RIN2: variants seen among roughly 807,000 people sequenced by gnomAD.
RIN2 encodes the protein RAB5 interacting protein 2.
A neutral mutation model predicts 78.0 loss-of-function variants in RIN2; 36 were observed. That is an observed-to-expected ratio of 0.46 (90% CI 0.35 to 0.61). RIN2 has a LOEUF of 0.61. Among genes scored for constraint, RIN2 ranks in the 20% least tolerant of loss-of-function variants. The probability of loss-of-function intolerance (pLI) is 0.00; values close to 1 mark genes in which losing one functional copy is unlikely to be tolerated. For synonymous variants in RIN2, 466 were observed against 466.8 expected (o/e 1.00, Z 0.02); for missense variants, 1,087 against 1,159.7 (o/e 0.94, Z 0.91).
At chr20:19,921,108 C>G (rs1419167400) in intron 3 of RIN2, among the ~76,000 whole-genome samples, 1 of 152,216 alleles carries the variant, frequency 6.6e-6, no homozygotes, top group Non-Finnish European at 1.5e-5. Context: ...TTCACAGCCT[C>G]TCCCATGTGT....
intron 2 of RIN2, among the ~76,000 whole-genome samples, chr20:19,832,311 G>C (rs1191382005): frequency 6.9e-6 from 1 of 144,754 alleles, no homozygotes. Flanking sequence ...CTAGGATGCT[G>C]TCCCCAACCT....
intron 3 of RIN2, among the ~76,000 whole-genome samples, chr20:19,927,161 A>AG: frequency 6.6e-6 from 1 of 152,350 alleles, no homozygotes; most frequent in East Asian, 1.9e-4. Context: ...TCTTTCCAGG[A>AG]GGGGAGGTAC....
At chr20:19,891,754 GGTTGCAGGA>G (rs1393195179) in intron 3 of RIN2, among the ~76,000 whole-genome samples, 330 of 21,932 alleles carry the variant, frequency 0.015, 1 homozygote, top group African/African-American at 0.078. Flanking sequence ...GGGAGGTGGA[GGTTGCAGGA>G]GGTTGCAGTG....
chr20:19,900,898 C>A (rs954095962), intron 3 of RIN2, among the ~76,000 whole-genome samples: 37 of 136,150 alleles, frequency 2.7e-4, no homozygotes, highest in Non-Finnish European at 2.0e-4. Flanking sequence ...TGCAGTGAGC[C>A]GAGATCACAC....
At chr20:19,991,917 A>G (rs982536169) in intron 10 of RIN2, among the ~76,000 whole-genome samples, 4 of 152,220 alleles carry the variant, frequency 2.6e-5, no homozygotes, top group African/African-American at 7.2e-5. Flanking sequence ...AAATTATAAA[A>G]GTAGGGAGAA....
rs201964534 is a variant in RIN2 at position 19,990,209 on chromosome 20, G to A, written c.1966G>A (p.Val656Ile). The part of the protein sequence containing the change: ...PDFVDVEKIK[V>I]KFMTMQKMYS... ...TTTTGTGGATGTGGAGAAAATCAAA[G>A]TCAAGTTCATGACCATGCAGAAGAT... Residue 656 changes from valine to isoleucine, a missense_variant, in exon 10 of 13, where the codon GTC becomes ATC. Physicochemically the swap from Val to Ile is conservative, Grantham distance 29 (BLOSUM62 3). This residue lies in a region of RIN2 where 97 missense variants were observed against 104.8 expected (regional missense o/e 0.93). Transcript: ENST00000255006. The A allele has an allele frequency of 1.5e-3, 2,378 of 1,611,814 alleles. 11 individuals carry two copies. Among genetic ancestry groups the A allele is most frequent in the South Asian group, 5.0e-3 (453 of 90,304 alleles).
At chr20:19,952,710 A>G (rs984181288) in intron 4 of RIN2, among the ~76,000 whole-genome samples, 1 of 152,150 alleles carries the variant, frequency 6.6e-6, no homozygotes, top group African/African-American at 2.4e-5. Flanking sequence ...AGCACACATG[A>G]GCATCACGAT....
chr20:19,869,503 G>T (rs528719301), intron 2 of RIN2, among the ~76,000 whole-genome samples: 3 of 152,240 alleles, frequency 2.0e-5, no homozygotes, highest in Non-Finnish European at 2.9e-5. Flanking sequence ...GGGCCTGGTT[G>T]AATTGTGGAG....
At chr20:19,773,688 G>T (rs2034213890) in intron 1 of RIN2, among the ~76,000 whole-genome samples, 1 of 151,982 alleles carries the variant, frequency 6.6e-6, no homozygotes, top group South Asian at 2.1e-4. Context: ...TGAGTGCCAG[G>T]TACATCTCTT....
intron 4 of RIN2, among the ~76,000 whole-genome samples, chr20:19,950,884 C>CTT (rs775991586): frequency 5.2e-5 from 6 of 116,500 alleles, no homozygotes; most frequent in Non-Finnish European, 1.8e-5. Context: ...CCTGGCTAAC[C>CTT]TTTTTTTTTT....
rs769684469 is a variant in RIN2 at position 20,000,824 on chromosome 20, A to G, written c.2576A>G (p.Glu859Gly). The G allele has an allele frequency of 1.9e-6, 3 of 1,613,986 alleles. No homozygotes were observed. Residue 859 changes from glutamate (E) to glycine (G), a missense_variant, in exon 13 of 13, where the codon GAG (glutamate) becomes GGG (glycine). Physicochemically the swap from Glu to Gly is moderately conservative, Grantham distance 98. Transcript: ENST00000255006. ...ACTTACCCTCAAAAAATCAAGGCGG[A>G]GCTGCACAGCCGACCACAGCCCCAC... ...EDTYPQKIKA[E>G]LHSRPQPHIF...
chr20:19,932,708 C>T (rs1194624098), intron 3 of RIN2, among the ~76,000 whole-genome samples: 3 of 152,188 alleles, frequency 2.0e-5, no homozygotes, highest in Non-Finnish European at 2.9e-5. Flanking sequence ...TAGATAATCT[C>T]TCCCTGCCAC....
chr20:19,992,127 G>C, intron 10 of RIN2, 41 bp from the exon 11 acceptor site: 2 of 1,600,736 alleles, frequency 1.2e-6, no homozygotes, highest in Non-Finnish European at 8.5e-7. Context: ...AGAAAGAAAA[G>C]TTGGTAAAAA....
In RIN2 at chr20:19,982,429, G is replaced by A. The variant is rs143043830; in HGVS notation, c.1762+6642G>A. Reference sequence around the variant, plus strand: ...AGGATTAGCAAAATGCTGTCATGGCGGCCCTGGTGTCATATTTTCAAGATC... The same window carrying A: ...AGGATTAGCAAAATGCTGTCATGGCAGCCCTGGTGTCATATTTTCAAGATC... On this transcript the variant is annotated intron_variant, in intron 9 of 12. Coordinates refer to ENST00000255006, the MANE Select transcript of RIN2 (RefSeq NM_018993.4). 9.2e-5 allele frequency among the ~76,000 whole-genome samples: 14 copies of A among 152,174 alleles called. No individual in the cohort carries two copies. In the East Asian group the frequency reaches 1.5e-3, roughly 17 times the overall value.
chr20:19,787,471 C>A lies in RIN2; in HGVS notation c.-162-12151C>A, dbSNP rs1261924214. Among the ~76,000 whole-genome samples, 17 of 144,908 alleles carry A rather than the reference C, an allele frequency of 1.2e-4. No homozygotes were observed. In the East Asian group the frequency reaches 3.5e-3, roughly 30 times the overall value. On this transcript the variant is annotated intron_variant, in intron 1 of 12. Transcript: ENST00000255006. Reference sequence around the variant, plus strand: ...AGAGAGAGAGAGAGAGAAATGACCTCAAATGCGGGGCTAGAGGGAGAAGAT... The same window carrying A: ...AGAGAGAGAGAGAGAGAAATGACCTAAAATGCGGGGCTAGAGGGAGAAGAT...
intron 2 of RIN2, among the ~76,000 whole-genome samples, chr20:19,838,486 T>C (rs757852734): frequency 1.3e-5 from 2 of 152,216 alleles, no homozygotes; most frequent in Non-Finnish European, 2.9e-5. Flanking sequence ...GGACATACCC[T>C]ATTCTGTTTG....
At chr20:19,872,456 C>T (rs907880391) in intron 2 of RIN2, among the ~76,000 whole-genome samples, 2 of 152,132 alleles carry the variant, frequency 1.3e-5, no homozygotes, top group African/African-American at 2.4e-5. Flanking sequence ...GATGCATGTG[C>T]GATTGTACCT....
At chr20:19,956,503 C>A (rs1229302587) in intron 4 of RIN2, 112 bp from the exon 5 acceptor site, 1 of 898,942 alleles carries the variant, frequency 1.1e-6, no homozygotes, top group Non-Finnish European at 1.8e-6. Context: ...GGGGCGATCA[C>A]AAGATGGGGT....
At chr20:19,835,482 A>G (rs947496831) in intron 2 of RIN2, among the ~76,000 whole-genome samples, 4 of 152,264 alleles carry the variant, frequency 2.6e-5, no homozygotes, top group Admixed American at 1.3e-4. Flanking sequence ...CAGATAAAAA[A>G]GGACATAAAT....
Sources: allele counts gnomAD v4.1 joint callset (sites outside exome capture counted in the v4.1 genomes callset), GRCh38; gene constraint gnomAD v4.1.1; regional missense constraint gnomAD v4.1.1; transcripts MANE v1.5; gene names NCBI Gene and HGNC (gene_info 2026-07-23, HGNC 2026-07-21).